Variants in CNTNAP2 observed in about 807,000 individuals in gnomAD.
CNTNAP2 encodes contactin-associated protein-like 2.
A neutral mutation model predicts 155.2 loss-of-function variants in CNTNAP2; 98 were observed. That is an observed-to-expected ratio of 0.63 (90% CI 0.54 to 0.75). CNTNAP2 has a LOEUF of 0.75. Among genes scored for constraint, CNTNAP2 ranks in the 30% least tolerant of loss-of-function variants. The probability of loss-of-function intolerance (pLI) is 0.00; values close to 1 mark genes in which losing one functional copy is unlikely to be tolerated. For missense variants in CNTNAP2, 1,727 were observed against 1,688.1 expected (o/e 1.02, Z -0.40); for synonymous variants, 651 against 631.2 (o/e 1.03, Z -0.47).
At chr7:148,313,155 G>A (rs1160777442) in intron 21 of CNTNAP2, among the ~76,000 whole-genome samples, 2 of 151,564 alleles carry the variant, frequency 1.3e-5, no homozygotes, top group Admixed American at 6.6e-5. Context: ...CAACAGTTAC[G>A]GAGGCAAGGG....
chr7:146,520,803 C>T lies in CNTNAP2; in HGVS notation c.98-253468C>T, dbSNP rs529214051. Among the ~76,000 whole-genome samples, 53 of 152,004 alleles carry T rather than the reference C, an allele frequency of 3.5e-4. No individual in the cohort carries two copies. In the East Asian group the frequency reaches 9.1e-3, roughly 26 times the overall value. ...TTCTTAAATAAAAAAGAAATTCTAT[C>T]CTGGATGTCTCCAGAAATGAGTTGT... On this transcript the variant is annotated intron_variant, in intron 1 of 23. Coordinates refer to ENST00000361727, the MANE Select transcript of CNTNAP2 (RefSeq NM_014141.6).
At position 146,788,474 on chromosome 7, in the gene CNTNAP2, C is replaced by T. The variant is rs76600487; in HGVS notation, c.208+14093C>T. Among the ~76,000 whole-genome samples the T allele has an allele frequency of 2.5e-3, 379 of 152,288 alleles. 1 individual carries two copies. Among genetic ancestry groups the T allele is most frequent in the Non-Finnish European group, 4.3e-3 (290 of 68,012 alleles). On this transcript the variant is annotated intron_variant, in intron 2 of 23. Coordinates refer to ENST00000361727, the MANE Select transcript of CNTNAP2 (RefSeq NM_014141.6). ...AGGAGGATGATTAAATTTATTCCAA[C>T]AAGAGGCTAATAAAGCAGAAATGAT...
At chr7:147,071,876 T>A (rs181421281) in intron 4 of CNTNAP2, among the ~76,000 whole-genome samples, 11 of 152,332 alleles carry the variant, frequency 7.2e-5, no homozygotes, top group African/African-American at 2.6e-4. Flanking sequence ...TAACAATCAT[T>A]GATTCAGTAA....
intron 1 of CNTNAP2, among the ~76,000 whole-genome samples, chr7:146,437,360 T>C (rs73738771): frequency 0.08 from 12,132 of 151,506 alleles, 725 homozygotes; most frequent in African/African-American, 0.098. Context: ...GCATAGCTCA[T>C]GTATGTATGT....
chr7:147,664,025 A>C (rs1235747593), intron 13 of CNTNAP2, among the ~76,000 whole-genome samples: 1 of 152,254 alleles, frequency 6.6e-6, no homozygotes, highest in African/African-American at 2.4e-5. Context: ...GTGTTTAACC[A>C]CAAGACATTA....
At chr7:147,253,330 A>C (rs931735130) in intron 8 of CNTNAP2, among the ~76,000 whole-genome samples, 1 of 151,594 alleles carries the variant, frequency 6.6e-6, no homozygotes, top group South Asian at 2.1e-4. Flanking sequence ...ACGTAGAAGC[A>C]TCAGCCAGAT....
chr7:146,453,966 A>T (rs576034717), intron 1 of CNTNAP2, among the ~76,000 whole-genome samples: 8 of 152,282 alleles, frequency 5.3e-5, no homozygotes, highest in Admixed American at 1.3e-4. Flanking sequence ...TGAAGAAATG[A>T]GGAGTGAAAA....
chr7:148,036,906 A>C (rs1351330609), intron 15 of CNTNAP2, among the ~76,000 whole-genome samples: 1 of 152,160 alleles, frequency 6.6e-6, no homozygotes, highest in Non-Finnish European at 1.5e-5. Context: ...TTTAAATGTA[A>C]ATGTGACTGA....
intron 15 of CNTNAP2, among the ~76,000 whole-genome samples, chr7:148,024,175 A>AAC (rs1802335782): frequency 1.3e-5 from 2 of 151,438 alleles, no homozygotes. Context: ...AAAAAAAAAA[A>AAC]AAAACTTTAT....
chr7:146,144,913 T>G (rs902286062), intron 1 of CNTNAP2, among the ~76,000 whole-genome samples: 14 of 152,126 alleles, frequency 9.2e-5, no homozygotes, highest in African/African-American at 3.4e-4. Context: ...GGCTTAGGTA[T>G]AATGGAAGGA....
At chr7:147,577,113 C>T (rs955389500) in intron 12 of CNTNAP2, among the ~76,000 whole-genome samples, 1 of 152,058 alleles carries the variant, frequency 6.6e-6, no homozygotes, top group Non-Finnish European at 1.5e-5. Flanking sequence ...TGGTTACTTT[C>T]ACGTGACCAG....
intron 1 of CNTNAP2, among the ~76,000 whole-genome samples, chr7:146,548,302 C>CT (rs1404755688): frequency 6.6e-6 from 1 of 151,922 alleles, no homozygotes; most frequent in East Asian, 1.9e-4. Context: ...TGATTTTGTT[C>CT]TTTTTTATGG....
At chr7:147,070,034 G>T (rs2129265138) in intron 4 of CNTNAP2, among the ~76,000 whole-genome samples, 1 of 152,288 alleles carries the variant, frequency 6.6e-6, no homozygotes, top group South Asian at 2.1e-4. Context: ...AATAAGACCT[G>T]TGATATGTCT....
rs536983168 is a variant in CNTNAP2 at position 146,797,913 on chromosome 7, C to T, written c.208+23532C>T. On this transcript the variant is annotated intron_variant, in intron 2 of 23. Coordinates refer to ENST00000361727, the MANE Select transcript of CNTNAP2 (RefSeq NM_014141.6). ...CATTTGTTACATGAATTATCACAAC[C>T]TTAAATCTTTTATTTCTATTGTCTT... 7.2e-5 allele frequency among the ~76,000 whole-genome samples: 11 copies of T among 152,274 alleles called. No individual in the cohort carries two copies. In the East Asian group the frequency reaches 1.7e-3, roughly 24 times the overall value.
At chr7:148,202,364 C>T (rs1252629446) in intron 18 of CNTNAP2, among the ~76,000 whole-genome samples, 3 of 152,154 alleles carry the variant, frequency 2.0e-5, no homozygotes, top group Non-Finnish European at 4.4e-5. Flanking sequence ...AAAATACATA[C>T]ATACATGTGT....
Position 147,577,269 on chromosome 7 carries a change from T to A in CNTNAP2, c.1897+15012T>A, listed in dbSNP as rs1260023275. 3.3e-5 allele frequency among the ~76,000 whole-genome samples: 5 copies of A among 152,198 alleles called. No homozygotes were observed. The East Asian group carries it at 5.8e-4, about 18-fold the overall frequency. On this transcript the variant is annotated intron_variant, in intron 12 of 23. Coordinates refer to ENST00000361727, the MANE Select transcript of CNTNAP2 (RefSeq NM_014141.6). ...GGCCAGCTTAAGCATTAGTTTTCTT[T>A]ACATTTTGCTTTGCTCATTGCTTCT... is the stretch of plus-strand genomic sequence containing the variant.
At chr7:146,630,647 T>C (rs2129158659) in intron 1 of CNTNAP2, among the ~76,000 whole-genome samples, 1 of 152,220 alleles carries the variant, frequency 6.6e-6, no homozygotes, top group South Asian at 2.1e-4. Flanking sequence ...ATCTGTTTTT[T>C]CCTGACTTTT....
chr7:148,040,041 A>G (rs1486286932), intron 15 of CNTNAP2, among the ~76,000 whole-genome samples: 1 of 152,220 alleles, frequency 6.6e-6, no homozygotes, highest in African/African-American at 2.4e-5. Context: ...CCAACCTTAT[A>G]TAAATTAGAA....
intron 11 of CNTNAP2, among the ~76,000 whole-genome samples, chr7:147,521,786 G>A (rs560055903): frequency 1.3e-5 from 2 of 152,242 alleles, no homozygotes; most frequent in South Asian, 4.2e-4. Flanking sequence ...ATGAGACCAG[G>A]CGCTTTTATG....
Sources: allele counts gnomAD v4.1 joint callset (sites outside exome capture counted in the v4.1 genomes callset), GRCh38; gene constraint gnomAD v4.1.1; transcripts MANE v1.5; gene names NCBI Gene and HGNC (gene_info 2026-07-23, HGNC 2026-07-21).